The following ARFGEF3 variants were observed in gnomAD, a reference collection of about 807,000 sequenced individuals.
ARFGEF3 encodes brefeldin A-inhibited guanine nucleotide-exchange protein 3.
In ARFGEF3, 96 loss-of-function variants were observed where a neutral mutation model predicts 221.7. The ratio of observed to expected loss-of-function variants is 0.43; its 90% CI spans 0.37 to 0.51. The LOEUF is 0.51. ARFGEF3 is among the 20% of genes least tolerant of loss of function. ARFGEF3 has a pLI of 0.00. For synonymous variants in ARFGEF3, 1,145 were observed against 1,126.8 expected (o/e 1.02, Z -0.32); for missense variants, 2,410 against 2,789.9 (o/e 0.86, Z 3.07).
intron 22 of ARFGEF3, among the ~76,000 whole-genome samples, chr6:138,301,339 C>T (rs565608789): frequency 6.6e-6 from 1 of 152,338 alleles, no homozygotes; most frequent in African/African-American, 2.4e-5. Context: ...AGTCTGACTT[C>T]CTTGACAAAG....
At chr6:138,295,508 T>C (rs1479790186) in intron 20 of ARFGEF3, among the ~76,000 whole-genome samples, 1 of 151,284 alleles carries the variant, frequency 6.6e-6, no homozygotes, top group East Asian at 1.9e-4. Context: ...CATGTGCCTG[T>C]AGCCCCAGCT....
At chr6:138,279,631 G>A (rs554829768) in intron 13 of ARFGEF3, among the ~76,000 whole-genome samples, 2 of 152,372 alleles carry the variant, frequency 1.3e-5, no homozygotes, top group Admixed American at 1.3e-4. Context: ...CTCTGGAGAT[G>A]TGCACATTCC....
chr6:138,251,904 G>T (rs149529083), intron 8 of ARFGEF3, among the ~76,000 whole-genome samples: 1 of 152,124 alleles, frequency 6.6e-6, no homozygotes, highest in African/African-American at 2.4e-5. Flanking sequence ...GTCCAGTCCC[G>T]TAAGAGTGAA....
In ARFGEF3 at chr6:138,298,678, C is replaced by T. The variant is rs1267585326; in HGVS notation, c.3721C>T (p.Leu1241Phe). The T allele has an allele frequency of 6.2e-7, 1 of 1,613,580 alleles. No individual in the cohort carries two copies. Among genetic ancestry groups the T allele is most frequent in the Non-Finnish European group, 8.5e-7 (1 of 1,179,706 alleles). ...SFIHDILTEV[L>F]TDWNEPPHFH... ...CATCCATGACATACTGACAGAAGTC[C>T]TCACTGACTGGAATGAGCCACCTCA... Residue 1241 changes from leucine to phenylalanine, a missense_variant, in exon 22 of 34, where the codon CTC becomes TTC. Coordinates refer to ENST00000251691, the MANE Select transcript of ARFGEF3 (RefSeq NM_020340.5).
In ARFGEF3 at chr6:138,229,868, G is replaced by A. The variant is rs372528377; in HGVS notation, c.420+16G>A. On this transcript the variant is annotated intron_variant, in intron 5 of 33. Transcript: ENST00000251691. ...GATCGCGGAGGTGAGTACTGCTTGTGTCTGTGCCTCCTGTTCACAGCTGCT... is the reference window on the plus strand; with the variant it reads ...GATCGCGGAGGTGAGTACTGCTTGTATCTGTGCCTCCTGTTCACAGCTGCT... The A allele has an allele frequency of 5.5e-5, 89 of 1,608,830 alleles. 2 individuals are homozygous for A. In the Middle Eastern group the frequency reaches 6.6e-4, roughly 12 times the overall value.
intron 32 of ARFGEF3, among the ~76,000 whole-genome samples, chr6:138,331,608 T>C (rs556238914): frequency 6.6e-6 from 1 of 152,366 alleles, no homozygotes; most frequent in South Asian, 2.1e-4. Flanking sequence ...TTTTAAGATA[T>C]ATATTAGCAT....
intron 2 of ARFGEF3, among the ~76,000 whole-genome samples, chr6:138,181,211 A>T (rs915572447): frequency 6.6e-6 from 1 of 152,162 alleles, no homozygotes; most frequent in African/African-American, 2.4e-5. Flanking sequence ...GTCACCACTT[A>T]AAAAATGAGT....
intron 5 of ARFGEF3, among the ~76,000 whole-genome samples, chr6:138,236,075 A>G (rs1778281260): frequency 6.6e-6 from 1 of 152,228 alleles, no homozygotes; most frequent in Admixed American, 6.5e-5. Context: ...ACTGCGTTAT[A>G]TAAAATCCAG....
At chr6:138,305,630 A>T (rs934277468) in intron 22 of ARFGEF3, among the ~76,000 whole-genome samples, 16 of 150,730 alleles carry the variant, frequency 1.1e-4, no homozygotes, top group Non-Finnish European at 1.5e-4. Context: ...AAAAAAAAAA[A>T]GCCAAATAAA....
At chr6:138,205,343 A>G (rs1777607797) in intron 2 of ARFGEF3, among the ~76,000 whole-genome samples, 1 of 152,172 alleles carries the variant, frequency 6.6e-6, no homozygotes, top group South Asian at 2.1e-4. Context: ...TCATTGGCCA[A>G]TCTGACTCCA....
chr6:138,277,019 A>T (rs1360675396), intron 12 of ARFGEF3, among the ~76,000 whole-genome samples: 2 of 152,212 alleles, frequency 1.3e-5, no homozygotes, highest in Non-Finnish European at 2.9e-5. Context: ...GTAAAAATAG[A>T]TGTAACAAAA....
At chr6:138,328,526 TCTTATA>T (rs1285807267) in intron 32 of ARFGEF3, among the ~76,000 whole-genome samples, 1 of 152,160 alleles carries the variant, frequency 6.6e-6, no homozygotes, top group East Asian at 1.9e-4. Flanking sequence ...AATTTCCTCC[TCTTATA>T]GAGACACCAG....
intron 14 of ARFGEF3, among the ~76,000 whole-genome samples, chr6:138,283,468 C>G (rs1397080573): frequency 6.6e-6 from 1 of 152,206 alleles, no homozygotes; most frequent in Middle Eastern, 3.2e-3. Context: ...AAGGGCTTTT[C>G]ATAAGAATTC....
Position 138,296,834 on chromosome 6 carries a change from G to A in ARFGEF3, c.3527G>A (p.Arg1176Gln), listed in dbSNP as rs374581531. The stretch of plus-strand genomic sequence containing the variant: ...GGAGAAGTTAAATCCACTCAAGACC[G>A]AAAAAGCGCCCTCCACCTGTTCCGC... ...MPGEVKSTQDRKSALHLFRLG... is the reference protein window; with the variant it reads ...MPGEVKSTQDQKSALHLFRLG... The change falls in exon 21 of 34, where the codon CGA (arginine) becomes CAA (glutamine). Residue 1176 changes from arginine to glutamine, a missense_variant. Arg to Gln is a conservative substitution (Grantham distance 43, BLOSUM62 1). Coordinates refer to ENST00000251691, the MANE Select transcript of ARFGEF3 (RefSeq NM_020340.5). The A allele has an allele frequency of 1.7e-5, 27 of 1,613,690 alleles. No homozygotes were observed. Among genetic ancestry groups the A allele is most frequent in the South Asian group, 3.3e-5 (3 of 91,038 alleles).
At chr6:138,256,462 C>A (rs556309410) in intron 10 of ARFGEF3, among the ~76,000 whole-genome samples, 1 of 152,112 alleles carries the variant, frequency 6.6e-6, no homozygotes, top group African/African-American at 2.4e-5. Flanking sequence ...TCAACCCCCA[C>A]CCCTCCAAAA....
chr6:138,190,457 A>G (rs1777282131), intron 2 of ARFGEF3, among the ~76,000 whole-genome samples: 1 of 152,174 alleles, frequency 6.6e-6, no homozygotes, highest in African/African-American at 2.4e-5. Context: ...CTTAAATGGT[A>G]CAGTTGATCT....
chr6:138,287,047 A>C, intron 16 of ARFGEF3, 27 bp from the exon 17 acceptor site: 1 of 1,560,468 alleles, frequency 6.4e-7, no homozygotes, highest in South Asian at 1.2e-5. Flanking sequence ...TACTCAGTCA[A>C]GAAGTCATTG....
In ARFGEF3 at chr6:138,162,215, G is replaced by T; in HGVS notation, c.85+44G>T. Reference sequence around the variant, plus strand: ...CTCGCCGCGGCGGGAGGGCCGCGCGGCCGGGGCTGAACCCGCGCCTCCGCG... The same window carrying T: ...CTCGCCGCGGCGGGAGGGCCGCGCGTCCGGGGCTGAACCCGCGCCTCCGCG... On this transcript the variant is annotated intron_variant, in intron 1 of 33. Coordinates refer to ENST00000251691, the MANE Select transcript of ARFGEF3 (RefSeq NM_020340.5). This position sits in a 1 kb window ranked among gnomAD's most constrained non-coding sequence, Gnocchi z 4.7. 1 of 1,503,156 alleles carries T rather than the reference G, an allele frequency of 6.7e-7. No individual in the cohort carries two copies. Among genetic ancestry groups the T allele is most frequent in the South Asian group, 1.2e-5 (1 of 85,702 alleles). The allele number at this position is 1,503,156 out of a possible 1,614,324, so 93.1% of individuals were successfully genotyped here.
At chr6:138,269,863 C>T (rs901563123) in intron 12 of ARFGEF3, among the ~76,000 whole-genome samples, 1 of 152,202 alleles carries the variant, frequency 6.6e-6, no homozygotes, top group South Asian at 2.1e-4. Flanking sequence ...GATTCATTTC[C>T]TTTCCTCTAA....
Sources: allele counts gnomAD v4.1 joint callset (sites outside exome capture counted in the v4.1 genomes callset), GRCh38; gene constraint gnomAD v4.1.1; non-coding constraint Gnocchi (gnomAD v3.1); transcripts MANE v1.5; gene names NCBI Gene and HGNC (gene_info 2026-07-23, HGNC 2026-07-21).